The following SMIM5 variants were observed in gnomAD, a reference collection of about 807,000 sequenced individuals.
The protein encoded by SMIM5 is chromosome 17 open reading frame 109.
SMIM5 carries 4 observed loss-of-function variants against 4.0 expected under a neutral mutation model. The observed-to-expected ratio is 1.01, with a 90% CI of 0.50 to 2.30. SMIM5 has a LOEUF of 2.30. Among genes scored for constraint, SMIM5 ranks in the 30% most tolerant of loss-of-function variants. The probability of loss-of-function intolerance (pLI) is 0.02; values close to 1 mark genes in which losing one functional copy is unlikely to be tolerated. For synonymous variants in SMIM5, 46 were observed against 43.6 expected (o/e 1.05, Z -0.22); for missense variants, 107 against 99.2 (o/e 1.08, Z -0.34).
Position 75,633,688 on chromosome 17 carries a change from A to G in SMIM5, c.-551A>G. The G allele has an allele frequency of 8.8e-7, 1 of 1,142,222 alleles. No individual in the cohort carries two copies. Among genetic ancestry groups the G allele is most frequent in the East Asian group, 7.7e-5 (1 of 13,010 alleles). The allele number at this position is 1,142,222 out of a possible 1,614,324, so 70.8% of individuals were successfully genotyped here. On this transcript the variant is annotated 5_prime_UTR_variant, in exon 1 of 3. Transcript: ENST00000375215. ...GACCAGCCAGGGAGTGGCCAGAGGG[A>G]CAGAAGGGGTGGCCTTCCTGAGGGC...
In SMIM5 at chr17:75,633,905, T is replaced by C. The variant is rs1413171236; in HGVS notation, c.-334T>C. On this transcript the variant is annotated 5_prime_UTR_variant, in exon 1 of 3. Coordinates refer to ENST00000375215, the MANE Select transcript of SMIM5 (RefSeq NM_001162995.3). ...AGGAAGGAGGAGGAGAGAGGGAGCT[T>C]GTCTTGTCCCTGAGCAGCGCTCTCA... is the stretch of plus-strand genomic sequence containing the variant. 2.0e-6 allele frequency: 2 copies of C among 989,262 alleles called. No homozygotes were observed. The highest frequency in any genetic ancestry group is 2.4e-6 in the Non-Finnish European group (2 of 832,022). 61.3% of individuals were successfully genotyped at this position (989,262 alleles called of 1,614,324 possible). A position where few individuals can be genotyped will look rare whatever the true frequency, so the allele number is the denominator to read the frequency against.
In SMIM5 at chr17:75,633,579, T is replaced by G; in HGVS notation, c.-660T>G. Reference sequence around the variant, plus strand: ...GCGGCACAAGGGCCTCCCCAGGGACTGGTTGCAAAGCCTCCTGCTCAGCTT... The same window carrying G: ...GCGGCACAAGGGCCTCCCCAGGGACGGGTTGCAAAGCCTCCTGCTCAGCTT... On this transcript the variant is annotated 5_prime_UTR_variant, in exon 1 of 3. Coordinates refer to ENST00000375215, the MANE Select transcript of SMIM5 (RefSeq NM_001162995.3). 8.0e-7 allele frequency: 1 copy of G among 1,248,648 alleles called. No homozygotes were observed. 77.3% of individuals were successfully genotyped at this position (1,248,648 alleles called of 1,614,324 possible). A position where few individuals can be genotyped will look rare whatever the true frequency, so the allele number is the denominator to read the frequency against.
At position 75,640,827 on chromosome 17, in the gene SMIM5, G is replaced by A; in HGVS notation, c.164G>A (p.Cys55Tyr). 6.5e-7 allele frequency: 1 copy of A among 1,550,068 alleles called. No individual in the cohort carries two copies. The highest frequency in any genetic ancestry group is 8.7e-7 in the Non-Finnish European group (1 of 1,146,922). The change falls in exon 3 of 3, where the codon TGC becomes TAC. Residue 55 changes from cysteine to tyrosine, a missense_variant. Transcript: ENST00000375215. This position sits in a 1 kb window ranked among gnomAD's most constrained non-coding sequence, Gnocchi z 4.6. ...VLLLLLIACS[C>Y]CCTHCCCPER... ...CTGTTGCTGCTGATAGCCTGCAGCT[G>A]CTGCTGCACTCACTGCTGCTGCCCT...
At chr17:75,635,075 A>AC (rs1198558991) in intron 1 of SMIM5, among the ~76,000 whole-genome samples, 1 of 151,628 alleles carries the variant, frequency 6.6e-6, no homozygotes, top group African/African-American at 2.4e-5. Flanking sequence ...TAAAGCCACC[A>AC]CCCCCCATAT....
Position 75,640,309 on chromosome 17 carries a change from AGT to A in SMIM5, c.109_110del (p.Val37HisfsTer27). 1 of 1,549,516 alleles carries A rather than the reference AGT, an allele frequency of 6.5e-7. No individual in the cohort carries two copies. Among genetic ancestry groups the A allele is most frequent in the Non-Finnish European group, 8.7e-7 (1 of 1,146,046 alleles). On this transcript the variant is annotated frameshift_variant, in exon 2 of 3. Transcript: ENST00000375215. LOFTEE classifies it high-confidence loss of function. The surrounding 1 kb of genome is among the most constrained non-coding windows in gnomAD (Gnocchi z 4.6). ...AEPVEIVAFS[V>X]IILFTATVLL... The stretch of plus-strand genomic sequence containing the variant: ...AGCCCGTGGAGATCGTGGCCTTCTC[AGT>A]CATCATCCTTTTCACAGGTTAGTTG...
chr17:75,640,394 C>G lies in SMIM5; in HGVS notation c.127+66C>G, dbSNP rs184378263. 7.5e-6 allele frequency: 11 copies of G among 1,463,278 alleles called. No individual in the cohort carries two copies. Among genetic ancestry groups the G allele is most frequent in the Middle Eastern group, 1.8e-4 (1 of 5,592 alleles). The allele number at this position is 1,463,278 out of a possible 1,614,324, so 90.6% of individuals were successfully genotyped here. ...TCTGGGAGAGACCACACCATGGTGC[C>G]AGCCAGAGGGCTGGCAGAGGTGGCG... On this transcript the variant is annotated intron_variant, in intron 2 of 2. Coordinates refer to ENST00000375215, the MANE Select transcript of SMIM5 (RefSeq NM_001162995.3). The surrounding 1 kb of genome is among the most constrained non-coding windows in gnomAD (Gnocchi z 4.6).
intron 1 of SMIM5, chr17:75,637,897 G>C (rs1321720539): frequency 6.6e-6 from 1 of 152,442 alleles, no homozygotes; most frequent in African/African-American, 2.4e-5. Flanking sequence ...GGTGCTGGCT[G>C]GGGCCCTGTC....
rs1287987962 is a variant in SMIM5 at position 75,640,430 on chromosome 17, G to T, written c.127+102G>T. 7.0e-7 allele frequency: 1 copy of T among 1,430,858 alleles called. No homozygotes were observed. Among genetic ancestry groups the T allele is most frequent in the Admixed American group, 2.9e-5 (1 of 34,454 alleles). 88.6% of individuals were successfully genotyped at this position (1,430,858 alleles called of 1,614,324 possible). ...CTGGCAGAGGTGGCGGGTGTCTGCCGGATCAAGGAGGAAAACCAGTTGTCC... is the reference window on the plus strand; with the variant it reads ...CTGGCAGAGGTGGCGGGTGTCTGCCTGATCAAGGAGGAAAACCAGTTGTCC... On this transcript the variant is annotated intron_variant, in intron 2 of 2. Transcript: ENST00000375215. The surrounding 1 kb of genome is among the most constrained non-coding windows in gnomAD (Gnocchi z 4.6).
At position 75,640,288 on chromosome 17, in the gene SMIM5, C is replaced by T. The variant is rs117954398; in HGVS notation, c.87C>T (p.Pro29=). Residue 29 remains proline, a synonymous_variant, in exon 2 of 3, where the codon CCC becomes CCT. Coordinates refer to ENST00000375215, the MANE Select transcript of SMIM5 (RefSeq NM_001162995.3). This position sits in a 1 kb window ranked among gnomAD's most constrained non-coding sequence, Gnocchi z 4.6. ...LKLQRLPQAE[P]VEIVAFSVII... is the part of the protein sequence containing the mutation. ...TGCAGAGACTGCCCCAGGCTGAGCC[C>T]GTGGAGATCGTGGCCTTCTCAGTCA... 0.015 allele frequency: 23,122 copies of T among 1,551,038 alleles called. 226 individuals carry two copies. The highest frequency in any genetic ancestry group is 0.017 in the Non-Finnish European group (19,712 of 1,146,662).
chr17:75,637,638 G>T (rs1238497859), intron 1 of SMIM5: 1 of 152,440 alleles, frequency 6.6e-6, no homozygotes, highest in Middle Eastern at 3.4e-3. Flanking sequence ...AAGGACTCCA[G>T]GTAGTCTCAA....
In SMIM5 at chr17:75,640,360, T is replaced by TC; in HGVS notation, c.127+35dup. ...TGGGGCACTCAGCACCCCATGGCTC[T>TC]CCCTGGCATCTGGGAGAGACCACAC... On this transcript the variant is annotated intron_variant, in intron 2 of 2. Transcript: ENST00000375215. The surrounding 1 kb of genome is among the most constrained non-coding windows in gnomAD (Gnocchi z 4.6). 2.0e-6 allele frequency: 3 copies of TC among 1,512,406 alleles called. No homozygotes were observed. Among genetic ancestry groups the TC allele is most frequent in the Non-Finnish European group, 2.7e-6 (3 of 1,124,842 alleles). 93.7% of individuals were successfully genotyped at this position (1,512,406 alleles called of 1,614,324 possible).
chr17:75,639,019 C>T (rs1052717843), intron 1 of SMIM5: 1 of 152,370 alleles, frequency 6.6e-6, no homozygotes, highest in Admixed American at 6.5e-5. Context: ...GGAGGTTCCT[C>T]ACCATCCTGG....
Position 75,640,385 on chromosome 17 carries a change from C to T in SMIM5, c.127+57C>T. ...TCCCTGGCATCTGGGAGAGACCACACCATGGTGCCAGCCAGAGGGCTGGCA... is the reference window on the plus strand; with the variant it reads ...TCCCTGGCATCTGGGAGAGACCACATCATGGTGCCAGCCAGAGGGCTGGCA... On this transcript the variant is annotated intron_variant, in intron 2 of 2. Coordinates refer to ENST00000375215, the MANE Select transcript of SMIM5 (RefSeq NM_001162995.3). This position sits in a 1 kb window ranked among gnomAD's most constrained non-coding sequence, Gnocchi z 4.6. 1 of 1,475,042 alleles carries T rather than the reference C, an allele frequency of 6.8e-7. No individual in the cohort carries two copies. Among genetic ancestry groups the T allele is most frequent in the East Asian group, 2.5e-5 (1 of 39,864 alleles). 91.4% of individuals were successfully genotyped at this position (1,475,042 alleles called of 1,614,324 possible).
rs769987205 is a variant in SMIM5 at position 75,640,853 on chromosome 17, G to A, written c.190G>A (p.Glu64Lys). Residue 64 changes from glutamate to lysine, a missense_variant, in exon 3 of 3, where the codon GAG (glutamate) becomes AAG (lysine). Transcript: ENST00000375215. This position sits in a 1 kb window ranked among gnomAD's most constrained non-coding sequence, Gnocchi z 4.6. The stretch of plus-strand genomic sequence containing the variant: ...CTGCTGCACTCACTGCTGCTGCCCT[G>A]AGCGGAGAGGCAGGAAGGTCCAGGT... ...SCCCTHCCCPERRGRKVQVQP... is the reference protein window; with the variant it reads ...SCCCTHCCCPKRRGRKVQVQP... The A allele has an allele frequency of 3.2e-5, 50 of 1,548,886 alleles. No individual in the cohort carries two copies. The highest frequency in any genetic ancestry group is 1.7e-4 in the Middle Eastern group (1 of 5,990).
At position 75,640,950 on chromosome 17, in the gene SMIM5, C is replaced by G. The variant is rs1014415048; in HGVS notation, c.*53C>G. 1 of 1,529,822 alleles carries G rather than the reference C, an allele frequency of 6.5e-7. No homozygotes were observed. Among genetic ancestry groups the G allele is most frequent in the East Asian group, 2.5e-5 (1 of 40,622 alleles). 94.8% of individuals were successfully genotyped at this position (1,529,822 alleles called of 1,614,324 possible). ...GGAGAGGAGATGGCCAATGCCATGACACAGGCCATCAGCCTGGCCCTGCAG... is the reference window on the plus strand; with the variant it reads ...GGAGAGGAGATGGCCAATGCCATGAGACAGGCCATCAGCCTGGCCCTGCAG... On this transcript the variant is annotated 3_prime_UTR_variant, in exon 3 of 3. Coordinates refer to ENST00000375215, the MANE Select transcript of SMIM5 (RefSeq NM_001162995.3). This position sits in a 1 kb window ranked among gnomAD's most constrained non-coding sequence, Gnocchi z 4.6.
rs867295211 is a variant in SMIM5, at chr17:75,640,241, G to A, written c.40G>A (p.Gly14Ser). Residue 14 changes from glycine to serine, a missense_variant, in exon 2 of 3, where the codon GGC (glycine) becomes AGC (serine). Gly to Ser is a moderately conservative substitution (Grantham distance 56, BLOSUM62 0). Coordinates refer to ENST00000375215, the MANE Select transcript of SMIM5 (RefSeq NM_001162995.3). The surrounding 1 kb of genome is among the most constrained non-coding windows in gnomAD (Gnocchi z 4.6). The part of the protein sequence containing the change: ...TDFVQEMRAV[G>S]ERLLLKLQRL... ...CTTCGTGCAGGAGATGCGCGCCGTG[G>A]GCGAGAGGCTGCTGCTCAAGCTGCA... The A allele has an allele frequency of 3.2e-6, 5 of 1,551,350 alleles. No individual in the cohort carries two copies. In the African/African-American group the frequency reaches 5.5e-5, roughly 17 times the overall value.
In SMIM5 at chr17:75,633,654, A is replaced by G; in HGVS notation, c.-585A>G. 8.5e-7 allele frequency: 1 copy of G among 1,174,056 alleles called. No individual in the cohort carries two copies. The highest frequency in any genetic ancestry group is 1.1e-6 in the Non-Finnish European group (1 of 933,480). 72.7% of individuals were successfully genotyped at this position (1,174,056 alleles called of 1,614,324 possible). ...TTTACTGTTGTTCCTGAGAGAGGCC[A>G]GAGGGAGGGACCAGCCAGGGAGTGG... On this transcript the variant is annotated 5_prime_UTR_variant, in exon 1 of 3. Coordinates refer to ENST00000375215, the MANE Select transcript of SMIM5 (RefSeq NM_001162995.3).
At position 75,640,735 on chromosome 17, in the gene SMIM5, G is replaced by A. The variant is rs888727816; in HGVS notation, c.128-56G>A. The A allele has an allele frequency of 1.3e-6, 2 of 1,528,542 alleles. No individual in the cohort carries two copies. Among genetic ancestry groups the A allele is most frequent in the Non-Finnish European group, 1.8e-6 (2 of 1,132,010 alleles). The allele number at this position is 1,528,542 out of a possible 1,614,324, so 94.7% of individuals were successfully genotyped here. A position where few individuals can be genotyped will look rare whatever the true frequency, so the allele number is the denominator to read the frequency against. ...GGCAGTGGGTTTCTCTGGGAGGAGG[G>A]TGGGCATCCTTTCTCTCCCCCAACC... On this transcript the variant is annotated intron_variant, in intron 2 of 2. Transcript: ENST00000375215. The surrounding 1 kb of genome is among the most constrained non-coding windows in gnomAD (Gnocchi z 4.6).
intron 1 of SMIM5, chr17:75,639,184 G>A (rs552882693): frequency 2.0e-5 from 3 of 152,476 alleles, no homozygotes; most frequent in Non-Finnish European, 2.9e-5. Flanking sequence ...CCATCTCAGC[G>A]AGAACCGGCT....
Sources: gnomAD v4.1 joint callset for allele counts (sites outside exome capture counted in the v4.1 genomes callset) on GRCh38, gnomAD v4.1.1 for gene constraint, Gnocchi (gnomAD v3.1) non-coding constraint, MANE v1.5 for transcripts, NCBI Gene and HGNC (gene_info 2026-07-23, HGNC 2026-07-21) for gene names.